NRG1: variants seen among roughly 807,000 people sequenced by gnomAD.
The protein encoded by NRG1 is pro-neuregulin-1, membrane-bound isoform.
Under a neutral mutation model 63.8 loss-of-function variants are expected in NRG1, and 18 were observed. That is an observed-to-expected ratio of 0.28 (90% CI 0.19 to 0.42). The LOEUF (loss-of-function observed/expected upper bound fraction) is 0.42. Ranked by LOEUF, NRG1 falls within the 10% of genes least tolerant of loss-of-function variation. The pLI is 1.00. For missense variants in NRG1, 762 were observed against 814.7 expected (o/e 0.94, Z 0.79); for synonymous variants, 302 against 301.3 (o/e 1.00, Z -0.02).
Position 32,760,196 on chromosome 8 carries a change from G to T in NRG1, c.1053-4G>T, listed in dbSNP as rs16879949. The T allele has an allele frequency of 2.5e-6, 4 of 1,613,452 alleles. No homozygotes were observed. Among genetic ancestry groups the T allele is most frequent in the Admixed American group, 3.3e-5 (2 of 59,974 alleles). On this transcript the variant is annotated splice_region_variant and splice_polypyrimidine_tract_variant and intron_variant, in intron 10 of 11. Transcript: ENST00000356819. Reference sequence around the variant, plus strand: ...TCTGATTGTCTCTCCCATTTCCTCCGCAGCTGGAGCAACGGACACACTGAA... The same window carrying T: ...TCTGATTGTCTCTCCCATTTCCTCCTCAGCTGGAGCAACGGACACACTGAA...
At chr8:31,956,201 C>A (rs1422907399) in intron 1 of NRG1, among the ~76,000 whole-genome samples, 1 of 151,834 alleles carries the variant, frequency 6.6e-6, no homozygotes, top group Non-Finnish European at 1.5e-5. Flanking sequence ...TTCCCCAAGC[C>A]CAGCATTTGA....
rs543502752 is a variant in NRG1, at chr8:31,790,003, G to A, written c.37+150572G>A. Among the ~76,000 whole-genome samples the A allele has an allele frequency of 1.5e-4, 23 of 152,254 alleles. No individual in the cohort carries two copies. The South Asian group carries it at 4.6e-3, about 30-fold the overall frequency. On this transcript the variant is annotated intron_variant, in intron 1 of 10. Coordinates refer to the NRG1 transcript ENST00000519301. ...AAGGAAGCATATCCAATAATATGCG[G>A]GTAAAAGGATATAAGCAAAAAGGTA...
chr8:32,625,609 G>C (rs1224641336), intron 5 of NRG1, among the ~76,000 whole-genome samples: 1 of 151,978 alleles, frequency 6.6e-6, no homozygotes, highest in Non-Finnish European at 1.5e-5. Context: ...AAGCAATTTT[G>C]GACTATTCTC....
At chr8:32,294,177 A>G (rs1854564956) in intron 1 of NRG1, among the ~76,000 whole-genome samples, 1 of 151,886 alleles carries the variant, frequency 6.6e-6, no homozygotes, top group South Asian at 2.1e-4. Context: ...ATTTTCCCCA[A>G]GTCCTCCCCC....
intron 1 of NRG1, among the ~76,000 whole-genome samples, chr8:31,670,815 A>G (rs1004793463): frequency 6.6e-6 from 1 of 151,934 alleles, no homozygotes; most frequent in Non-Finnish European, 1.5e-5. Flanking sequence ...TGCAACTTTT[A>G]TATTATGTTC....
intron 1 of NRG1, among the ~76,000 whole-genome samples, chr8:32,422,720 G>A (rs1304624278): frequency 6.6e-6 from 1 of 152,198 alleles, no homozygotes; most frequent in Admixed American, 6.5e-5. Context: ...GTTGGGTATT[G>A]TCAATTTTTT....
At chr8:32,490,035 G>T (rs554438999) in intron 1 of NRG1, among the ~76,000 whole-genome samples, 8 of 152,212 alleles carry the variant, frequency 5.3e-5, no homozygotes, top group Non-Finnish European at 1.2e-4. Context: ...GCAGCTGGAT[G>T]TGGTGGCACA....
At chr8:32,606,478 T>C (rs1052628039) in intron 3 of NRG1, among the ~76,000 whole-genome samples, 1 of 152,060 alleles carries the variant, frequency 6.6e-6, no homozygotes, top group Non-Finnish European at 1.5e-5. Flanking sequence ...AATCCACCTC[T>C]GACAACTTCT....
downstream of NRG1, among the ~76,000 whole-genome samples, chr8:32,768,246 C>T (rs1337931246): frequency 6.6e-6 from 1 of 152,194 alleles, no homozygotes; most frequent in Non-Finnish European, 1.5e-5. Context: ...AGAGAATATT[C>T]TAGGGCATGA....
In NRG1 at chr8:32,474,640, G is replaced by A. The variant is rs527530394; in HGVS notation, c.38-121188G>A. On this transcript the variant is annotated intron_variant, in intron 1 of 10. Transcript: ENST00000519301. ...CCCAAGTAGCTGGGACTACAGGCACGTGCCACCACGCCTAGCTAATTTTTG... is the reference window on the plus strand; with the variant it reads ...CCCAAGTAGCTGGGACTACAGGCACATGCCACCACGCCTAGCTAATTTTTG... Among the ~76,000 whole-genome samples, 225 of 151,922 alleles carry A rather than the reference G, an allele frequency of 1.5e-3. 2 individuals are homozygous for A. Among genetic ancestry groups the A allele is most frequent in the African/African-American group, 5.1e-3 (210 of 41,448 alleles).
chr8:31,801,254 T>G (rs1471752320), intron 1 of NRG1, among the ~76,000 whole-genome samples: 1 of 152,116 alleles, frequency 6.6e-6, no homozygotes, highest in East Asian at 1.9e-4. Context: ...TTTGGAAAAA[T>G]TATTTTAGAA....
At chr8:32,485,145 A>G (rs943458647) in intron 1 of NRG1, among the ~76,000 whole-genome samples, 3 of 146,110 alleles carry the variant, frequency 2.1e-5, no homozygotes, top group Non-Finnish European at 4.5e-5. Context: ...ACAGATTTTC[A>G]CTCTTGTTGC....
chr8:31,853,519 G>A (rs1319234382), intron 1 of NRG1, among the ~76,000 whole-genome samples: 252 of 142,292 alleles, frequency 1.8e-3, no homozygotes, highest in Middle Eastern at 7.0e-3. Flanking sequence ...GGGCTGAGAC[G>A]ATGGGGTTTT....
chr8:31,976,275 G>A (rs1159802124), intron 1 of NRG1, among the ~76,000 whole-genome samples: 1 of 152,182 alleles, frequency 6.6e-6, no homozygotes, highest in East Asian at 1.9e-4. Context: ...TACAGTAGAT[G>A]CCTAGCTGAT....
intron 5 of NRG1, among the ~76,000 whole-genome samples, chr8:32,707,106 G>T (rs1034794519): frequency 1.3e-5 from 2 of 151,880 alleles, no homozygotes; most frequent in Non-Finnish European, 2.9e-5. Context: ...TTTGTGCTGG[G>T]CTGCAGTCTT....
chr8:32,136,950 A>C (rs1333505885), intron 1 of NRG1, among the ~76,000 whole-genome samples: 1 of 152,140 alleles, frequency 6.6e-6, no homozygotes, highest in Non-Finnish European at 1.5e-5. Context: ...TAATGAAACT[A>C]GTTCTGAATA....
chr8:32,437,320 T>C (rs1172095785), intron 1 of NRG1, among the ~76,000 whole-genome samples: 3 of 151,810 alleles, frequency 2.0e-5, no homozygotes, highest in Non-Finnish European at 4.4e-5. Flanking sequence ...GTTTGTTTGT[T>C]TTTGTTTGTT....
chr8:31,713,513 T>A (rs1254260125), intron 1 of NRG1, among the ~76,000 whole-genome samples: 1 of 152,162 alleles, frequency 6.6e-6, no homozygotes, highest in Non-Finnish European at 1.5e-5. Flanking sequence ...TTTGTTGGTA[T>A]TTTCTGAGAA....
At chr8:32,348,794 T>A (rs1207204476) in intron 1 of NRG1, among the ~76,000 whole-genome samples, 2 of 152,230 alleles carry the variant, frequency 1.3e-5, no homozygotes, top group Non-Finnish European at 2.9e-5. Flanking sequence ...TAAAAACAAC[T>A]GTTTGAAAAG....
Sources: gnomAD v4.1 joint callset for allele counts (sites outside exome capture counted in the v4.1 genomes callset) on GRCh38, gnomAD v4.1.1 for gene constraint, MANE v1.5 for transcripts, NCBI Gene and HGNC (gene_info 2026-07-23, HGNC 2026-07-21) for gene names.